REEP1: variants seen among roughly 807,000 people sequenced by gnomAD.
REEP1 encodes the protein receptor expression-enhancing protein 1.
REEP1 carries 22 observed loss-of-function variants against 40.3 expected under a neutral mutation model. That is an observed-to-expected ratio of 0.55 (90% CI 0.39 to 0.78). The LOEUF is 0.78. REEP1 is among the 30% of genes least tolerant of loss of function. REEP1 has a pLI of 0.00. For missense variants in REEP1, 280 were observed against 361.1 expected (o/e 0.78, Z 1.82); for synonymous variants, 116 against 139.2 (o/e 0.83, Z 1.17).
rs1168471244 is a variant in REEP1 at position 86,216,474 on chromosome 2, G to A, written c.*565C>T. ...ATTTGGAAGCTTTATAAGCACATCT[G>A]AGACGTTCTCTAGAATCAAAATATT... On this transcript the variant is annotated 3_prime_UTR_variant, in exon 9 of 9. Coordinates refer to ENST00000538924, the MANE Select transcript of REEP1 (RefSeq NM_001371279.1). The A allele has an allele frequency of 6.5e-6, 1 of 153,176 alleles. No homozygotes were observed. The highest frequency in any genetic ancestry group is 1.5e-5 in the Non-Finnish European group (1 of 68,742). The allele number at this position is 153,176 out of a possible 1,614,324, so 9.5% of individuals were successfully genotyped here. A position where few individuals can be genotyped will look rare whatever the true frequency, so the allele number is the denominator to read the frequency against.
upstream of REEP1, chr2:86,337,887 G>A (rs1681129549): frequency 6.4e-6 from 6 of 933,452 alleles, no homozygotes; most frequent in East Asian, 1.4e-4. This position sits in a 1 kb window ranked among gnomAD's most constrained non-coding sequence, Gnocchi z 5.8. Flanking sequence ...GCAGGGACCC[G>A]GGTGCTGCCC....
intron 4 of REEP1, among the ~76,000 whole-genome samples, chr2:86,252,551 C>T (rs373680468): frequency 7.2e-5 from 11 of 152,304 alleles, no homozygotes; most frequent in African/African-American, 2.2e-4. Flanking sequence ...ACTTGCGGAG[C>T]ATGGTGAGGA....
intron 7 of REEP1, among the ~76,000 whole-genome samples, chr2:86,221,239 C>G (rs866053623): frequency 1.9e-4 from 29 of 152,188 alleles, no homozygotes; most frequent in Admixed American, 3.3e-4. Flanking sequence ...TAATCTTGGG[C>G]AGCTTTACCA....
At chr2:86,322,612 G>C (rs1399284014) in intron 1 of REEP1, among the ~76,000 whole-genome samples, 2 of 151,976 alleles carry the variant, frequency 1.3e-5, no homozygotes, top group Non-Finnish European at 2.9e-5. Context: ...CACCATGCCT[G>C]GCTAATTTTT....
At chr2:86,270,876 T>C (rs1467048723) in intron 2 of REEP1, among the ~76,000 whole-genome samples, 2 of 151,704 alleles carry the variant, frequency 1.3e-5, no homozygotes, top group Non-Finnish European at 2.9e-5. Flanking sequence ...ACTTGAAGAA[T>C]ACTGGCTACA....
intron 1 of REEP1, among the ~76,000 whole-genome samples, chr2:86,324,239 A>G (rs932008312): frequency 1.6e-4 from 24 of 152,362 alleles, no homozygotes; most frequent in African/African-American, 5.5e-4. Context: ...GGGAGAAGAC[A>G]TTTGTAACAC....
At chr2:86,293,410 C>A (rs112017360) in intron 1 of REEP1, among the ~76,000 whole-genome samples, 1 of 152,148 alleles carries the variant, frequency 6.6e-6, no homozygotes, top group Non-Finnish European at 1.5e-5. Context: ...AACAGATGAG[C>A]TGCCAGAGGC....
intron 3 of REEP1, among the ~76,000 whole-genome samples, chr2:86,261,634 G>T (rs1249170870): frequency 6.6e-6 from 1 of 152,198 alleles, no homozygotes; most frequent in Non-Finnish European, 1.5e-5. Flanking sequence ...GCCAGGTATT[G>T]TCCAAGGTTT....
In REEP1 at chr2:86,226,075, TCAC is replaced by T. The variant is rs70956105; in HGVS notation, c.631+1285_631+1287del. On this transcript the variant is annotated intron_variant, in intron 7 of 8. Transcript: ENST00000538924. ...GGGGTCTCCTGGATGCTCCAGGCTA[TCAC>T]CACCACCACCACCACCACCACCACC... 5.7e-3 allele frequency among the ~76,000 whole-genome samples: 634 copies of T among 111,842 alleles called. 6 individuals carry two copies. The highest frequency in any genetic ancestry group is 0.013 in the African/African-American group (404 of 32,090). The allele number at this position is 111,842 out of a possible 152,430, so 73.4% of individuals were successfully genotyped here.
At chr2:86,302,175 G>A (rs1042544618) in intron 1 of REEP1, among the ~76,000 whole-genome samples, 3 of 152,138 alleles carry the variant, frequency 2.0e-5, no homozygotes, top group Admixed American at 6.5e-5. Context: ...GGAGGCTCCC[G>A]GGTCCCAGAC....
At chr2:86,334,728 T>G (rs1680932693) in intron 1 of REEP1, among the ~76,000 whole-genome samples, 1 of 152,218 alleles carries the variant, frequency 6.6e-6, no homozygotes, top group African/African-American at 2.4e-5. Context: ...AGAGCCCATC[T>G]GCTCAGGCTG....
Position 86,252,014 on chromosome 2 carries a change from G to A in REEP1, c.360C>T (p.His120=). 1.2e-6 allele frequency: 2 copies of A among 1,614,108 alleles called. No homozygotes were observed. The highest frequency in any genetic ancestry group is 1.7e-6 in the Non-Finnish European group (2 of 1,180,004). The change falls in exon 5 of 9, where the codon CAC becomes CAT. Residue 120 remains histidine, a synonymous_variant. Transcript: ENST00000538924. ...CCACGTTCAAGCCCCGCTTCCCGAA[G>A]TGCACAAGGGCATCGTAACTTCGGT... ...AKDRSYDALV[H]FGKRGLNVAA...
At chr2:86,270,915 T>A (rs969721179) in intron 2 of REEP1, among the ~76,000 whole-genome samples, 8 of 150,526 alleles carry the variant, frequency 5.3e-5, no homozygotes, top group African/African-American at 2.0e-4. Flanking sequence ...AAAAAAAAAA[T>A]AACAAACCCT....
At chr2:86,226,472 T>A (rs56243378) in intron 7 of REEP1, among the ~76,000 whole-genome samples, 1 of 122,754 alleles carries the variant, frequency 8.1e-6, no homozygotes, top group Non-Finnish European at 1.8e-5. Context: ...TCTTTTCTTT[T>A]TTTTTTTTTT....
chr2:86,282,566 G>A (rs1377740038), intron 1 of REEP1, among the ~76,000 whole-genome samples: 1 of 150,464 alleles, frequency 6.6e-6, no homozygotes, highest in Non-Finnish European at 1.5e-5. Context: ...TTCCTCTCCT[G>A]CTGCTAACCC....
At chr2:86,306,036 T>C (rs143260837) in intron 1 of REEP1, among the ~76,000 whole-genome samples, 289 of 152,312 alleles carry the variant, frequency 1.9e-3, no homozygotes, top group Non-Finnish European at 3.3e-3. Context: ...AGAGGATAAG[T>C]ATATATTTAA....
At chr2:86,298,320 G>A (rs2104449732) in intron 1 of REEP1, among the ~76,000 whole-genome samples, 1 of 152,310 alleles carries the variant, frequency 6.6e-6, no homozygotes, top group Middle Eastern at 3.4e-3. Context: ...CCAACTGGGG[G>A]TCAGGAATCC....
chr2:86,218,625 A>G (rs1674252316), intron 8 of REEP1, among the ~76,000 whole-genome samples: 1 of 151,762 alleles, frequency 6.6e-6, no homozygotes, highest in Admixed American at 6.6e-5. Context: ...AACAGCACAA[A>G]CCCTTGGGCC....
chr2:86,333,744 T>C (rs1361379980), intron 1 of REEP1, among the ~76,000 whole-genome samples: 1 of 152,250 alleles, frequency 6.6e-6, no homozygotes, highest in African/African-American at 2.4e-5. Flanking sequence ...AATTCATTCA[T>C]GCCTAGGCCT....
Sources: allele counts gnomAD v4.1 joint callset (sites outside exome capture counted in the v4.1 genomes callset), GRCh38; gene constraint gnomAD v4.1.1; non-coding constraint Gnocchi (gnomAD v3.1); transcripts MANE v1.5; gene names NCBI Gene and HGNC (gene_info 2026-07-23, HGNC 2026-07-21).